The following SF3A1 variants were observed in gnomAD, a reference collection of about 807,000 sequenced individuals.
SF3A1 encodes SAP 114.
A neutral mutation model predicts 89.9 loss-of-function variants in SF3A1; 13 were observed. The observed-to-expected ratio is 0.14, with a 90% CI of 0.09 to 0.23. SF3A1 has a LOEUF of 0.23. Ranked by LOEUF, SF3A1 falls within the 10% of genes least tolerant of loss-of-function variation. The probability of loss-of-function intolerance (pLI) is 1.00; values close to 1 mark genes in which losing one functional copy is unlikely to be tolerated. For synonymous variants in SF3A1, 405 were observed against 374.4 expected, an observed-to-expected ratio of 1.08 and a Z score of -0.94; for missense variants, 604 against 1,022.1, an observed-to-expected ratio of 0.59 and a Z score of 5.58.
Position 30,353,021 on chromosome 22 carries a change from C to G in SF3A1, c.115G>C (p.Val39Leu). ...SKEDSAPSKPVVGIIYPPPEV... is the reference protein window; with the variant it reads ...SKEDSAPSKPLVGIIYPPPEV... ...GGAGGAGGGTAAATAATCCCCACAA[C>G]TGGCTTAGAAGGTGCAGAATCCTCC... The change falls in exon 2 of 16, where the codon GTT (valine) becomes CTT (leucine). Residue 39 changes from valine (V) to leucine (L), a missense_variant. This residue lies in a region of SF3A1 where 9 missense variants were observed against 48.6 expected (regional missense o/e 0.19). Transcript: ENST00000215793. 6.2e-7 allele frequency: 1 copy of G among 1,614,202 alleles called. No individual in the cohort carries two copies. The highest frequency in any genetic ancestry group is 8.5e-7 in the Non-Finnish European group (1 of 1,180,014).
At position 30,341,201 on chromosome 22, in the gene SF3A1, A is replaced by G. The variant is rs576252374; in HGVS notation, c.1072-389T>C. Among the ~76,000 whole-genome samples, 6 of 152,302 alleles carry G rather than the reference A, an allele frequency of 3.9e-5. No individual in the cohort carries two copies. The South Asian group carries it at 1.2e-3, about 32-fold the overall frequency. On this transcript the variant is annotated intron_variant, in intron 7 of 15. Transcript: ENST00000215793. The stretch of plus-strand genomic sequence containing the variant: ...AGAGAAAAAGTCATTTCCCACAGAC[A>G]GGGGCCCTTTCTTCTCAGGCTGTGC...
chr22:30,344,242 T>C (rs1464182541), intron 4 of SF3A1, among the ~76,000 whole-genome samples: 2 of 152,222 alleles, frequency 1.3e-5, no homozygotes, highest in Non-Finnish European at 2.9e-5. Context: ...AATTTTCTCT[T>C]CTGTAAAGTG....
At chr22:30,354,192 C>T (rs1264008796) in intron 1 of SF3A1, among the ~76,000 whole-genome samples, 1 of 152,146 alleles carries the variant, frequency 6.6e-6, no homozygotes, top group East Asian at 1.9e-4. Context: ...AACGAAGTTT[C>T]TCCTCTGCCT....
Position 30,339,151 on chromosome 22 carries a change from C to T in SF3A1, c.1476G>A (p.Glu492=). The part of the protein sequence containing the change: ...TAIGKKIGEE[E]IQKPEEKVTW... ...GCACCTTTTCCTCTGGCTTCTGGAT[C>T]TCCTCCTCACCGATCTTCTTACCAA... The change falls in exon 10 of 16, where the codon GAG becomes GAA. Residue 492 remains glutamate (E), a synonymous_variant. Coordinates refer to ENST00000215793, the MANE Select transcript of SF3A1 (RefSeq NM_005877.6). The T allele has an allele frequency of 6.2e-7, 1 of 1,614,214 alleles. No homozygotes were observed. The highest frequency in any genetic ancestry group is 1.1e-5 in the South Asian group (1 of 91,086).
In SF3A1 at chr22:30,334,655, T is replaced by C. The variant is rs1931012993; in HGVS notation, c.2321A>G (p.Asn774Ser). The part of the protein sequence containing the change: ...IKDSNSLAYY[N>S]MANGAVIHLA... ...GTGGATGACTGCGCCATTGGCCATGTTGTAGTAAGCCAGTGAGTTGGAATC... is the reference window on the plus strand; with the variant it reads ...GTGGATGACTGCGCCATTGGCCATGCTGTAGTAAGCCAGTGAGTTGGAATC... The change falls in exon 16 of 16, where the codon AAC (asparagine) becomes AGC (serine). Residue 774 changes from asparagine (N) to serine (S), a missense_variant. Transcript: ENST00000215793. 2 of 1,591,650 alleles carry C rather than the reference T, an allele frequency of 1.3e-6. No individual in the cohort carries two copies. Among genetic ancestry groups the C allele is most frequent in the Non-Finnish European group, 1.7e-6 (2 of 1,172,526 alleles).
chr22:30,335,541 G>A lies in SF3A1; in HGVS notation c.2209-3C>T. On this transcript the variant is annotated splice_region_variant and splice_polypyrimidine_tract_variant and intron_variant, in intron 14 of 15. Transcript: ENST00000215793. Reference sequence around the variant, plus strand: ...ATCTTCACCTTAATGACAGAGACCTGTGGGATCAAGCAGCGGTCATTCAAC... The same window carrying A: ...ATCTTCACCTTAATGACAGAGACCTATGGGATCAAGCAGCGGTCATTCAAC... 6.2e-7 allele frequency: 1 copy of A among 1,614,178 alleles called. No individual in the cohort carries two copies. The highest frequency in any genetic ancestry group is 1.1e-5 in the South Asian group (1 of 91,088).
chr22:30,345,587 C>T (rs1428017911), intron 3 of SF3A1, among the ~76,000 whole-genome samples: 2 of 152,288 alleles, frequency 1.3e-5, no homozygotes, highest in Middle Eastern at 3.4e-3. Context: ...CCATGACCTC[C>T]GCATGAACGA....
chr22:30,342,155 C>CT (rs762389838), intron 6 of SF3A1, 45 bp downstream of exon 6: 6 of 1,611,700 alleles, frequency 3.7e-6, no homozygotes, highest in African/African-American at 2.7e-5. Flanking sequence ...CCCGGGAAGT[C>CT]TGAGTTCCTG....
Position 30,349,647 on chromosome 22 carries a change from GT to G in SF3A1, c.186-3129del, listed in dbSNP as rs375159138. Reference sequence around the variant, plus strand: ...AAAAATCAATCTAGGGATGTGCATGGTTTTGGATTTTTTTCTTTCTTTTTTT... The same window carrying G: ...AAAAATCAATCTAGGGATGTGCATGGTTTGGATTTTTTTCTTTCTTTTTTT... On this transcript the variant is annotated intron_variant, in intron 2 of 15. Transcript: ENST00000215793. Among the ~76,000 whole-genome samples the G allele has an allele frequency of 9.5e-3, 1,424 of 149,842 alleles. 21 individuals are homozygous for G. The highest frequency in any genetic ancestry group is 0.033 in the African/African-American group (1,334 of 40,736).
chr22:30,337,876 T>C lies in SF3A1; in HGVS notation c.1765A>G (p.Thr589Ala). ...PPTMPPPVRT[T>A]VVSAVPVMPR... is the part of the protein sequence containing the mutation. ...ATGACGGGTACTGCGGAGACAACTG[T>C]AGTACGAACTGGAGGTGGCATCTGT... Residue 589 changes from threonine (T) to alanine (A), a missense_variant, in exon 12 of 16, where the codon ACA becomes GCA. Coordinates refer to ENST00000215793, the MANE Select transcript of SF3A1 (RefSeq NM_005877.6). The C allele has an allele frequency of 1.2e-6, 2 of 1,606,576 alleles. No individual in the cohort carries two copies. Among genetic ancestry groups the C allele is most frequent in the Non-Finnish European group, 1.7e-6 (2 of 1,177,484 alleles).
chr22:30,343,834 T>C (rs1931338425), intron 4 of SF3A1, among the ~76,000 whole-genome samples: 1 of 152,236 alleles, frequency 6.6e-6, no homozygotes, highest in African/African-American at 2.4e-5. Flanking sequence ...GATTTGGTCA[T>C]TTTCTAAACA....
chr22:30,349,861 T>C (rs1931535025), intron 2 of SF3A1, among the ~76,000 whole-genome samples: 1 of 151,758 alleles, frequency 6.6e-6, no homozygotes, highest in South Asian at 2.1e-4. Context: ...CCTACACTGG[T>C]GTCCAAGTCC....
Position 30,342,879 on chromosome 22 carries a change from T to C in SF3A1, c.652A>G (p.Ile218Val), listed in dbSNP as rs201239547. Residue 218 changes from isoleucine to valine, a missense_variant and splice_region_variant, in exon 5 of 16, where the codon ATC (isoleucine) becomes GTC (valine). Ile to Val is a conservative substitution (Grantham distance 29). Transcript: ENST00000215793. ...AATAAACCTTTGGGTGGAATCAAGA[T>C]CTGAAATACAGAAGAGTTAAAGCAA... ...FTKLVEQYTK[I>V]LIPPKGLFSK... The C allele has an allele frequency of 1.2e-6, 2 of 1,606,422 alleles. No homozygotes were observed. Among genetic ancestry groups the C allele is most frequent in the African/African-American group, 2.7e-5 (2 of 74,794 alleles).
chr22:30,336,150 T>C (rs1931058946), intron 13 of SF3A1, among the ~76,000 whole-genome samples: 1 of 152,004 alleles, frequency 6.6e-6, no homozygotes, highest in African/African-American at 2.4e-5. Flanking sequence ...CTGTTTTGAG[T>C]ATTGAGGGGA....
intron 7 of SF3A1, 24 bp downstream of exon 7, chr22:30,341,668 C>A (rs1314213867): frequency 6.2e-7 from 1 of 1,604,526 alleles, no homozygotes; most frequent in African/African-American, 1.3e-5. Context: ...AAAGGTCATC[C>A]TGCAGGCCTG....
At position 30,355,963 on chromosome 22, in the gene SF3A1, C is replaced by T. The variant is rs544092673; in HGVS notation, c.63+767G>A. Among the ~76,000 whole-genome samples the T allele has an allele frequency of 5.5e-4, 84 of 152,248 alleles. 2 individuals are homozygous for T. The highest frequency in any genetic ancestry group is 4.6e-3 in the Admixed American group (70 of 15,288). On this transcript the variant is annotated intron_variant, in intron 1 of 15. Coordinates refer to ENST00000215793, the MANE Select transcript of SF3A1 (RefSeq NM_005877.6). The stretch of plus-strand genomic sequence containing the variant: ...TATTCCTTCTTCTAAAAGAAATTTA[C>T]CTCTCACTCTTGTGGGCTTCCCTAC...
chr22:30,343,158 T>A lies in SF3A1; in HGVS notation c.652-279A>T, dbSNP rs570447680. On this transcript the variant is annotated intron_variant, in intron 4 of 15. Transcript: ENST00000215793. ...GGAAAGCATGCAAAGCACTAGCCGA[T>A]TACCCAGAACACGGTCAGTATGAGA... Among the ~76,000 whole-genome samples the A allele has an allele frequency of 1.3e-4, 20 of 152,292 alleles. No individual in the cohort carries two copies. In the South Asian group the frequency reaches 3.9e-3, roughly 30 times the overall value.
chr22:30,344,878 A>T (rs1275135888), intron 4 of SF3A1, 55 bp downstream of exon 4: 1 of 1,587,012 alleles, frequency 6.3e-7, no homozygotes, highest in African/African-American at 1.3e-5. Context: ...GCTTCCAAGC[A>T]TAAGATGTTT....
Position 30,341,673 on chromosome 22 carries a change from G to A in SF3A1, c.1071+19C>T. On this transcript the variant is annotated intron_variant, in intron 7 of 15. Transcript: ENST00000215793. ...CTTCAGGGGAAAAGGTCATCCTGCAGGCCTGCCCAGCAGCTTACCTCATCC... is the reference window on the plus strand; with the variant it reads ...CTTCAGGGGAAAAGGTCATCCTGCAAGCCTGCCCAGCAGCTTACCTCATCC... 2 of 1,608,320 alleles carry A rather than the reference G, an allele frequency of 1.2e-6. No individual in the cohort carries two copies. Among genetic ancestry groups the A allele is most frequent in the Non-Finnish European group, 8.5e-7 (1 of 1,176,046 alleles).
Sources: gnomAD v4.1 joint callset for allele counts (sites outside exome capture counted in the v4.1 genomes callset) on GRCh38, gnomAD v4.1.1 for gene constraint, gnomAD v4.1.1 regional missense constraint, MANE v1.5 for transcripts, NCBI Gene and HGNC (gene_info 2026-07-23, HGNC 2026-07-21) for gene names.